The following KAZN variants were observed in gnomAD, a reference collection of about 807,000 sequenced individuals.
The protein encoded by KAZN is kazrin, periplakin interacting protein.
In KAZN, 40 loss-of-function variants were observed where a neutral mutation model predicts 87.4. The ratio of observed to expected loss-of-function variants is 0.46; its 90% CI spans 0.36 to 0.60. The LOEUF is 0.60. Among genes scored for constraint, KAZN ranks in the 20% least tolerant of loss-of-function variants. The probability of loss-of-function intolerance (pLI) is 0.00; values close to 1 mark genes in which losing one functional copy is unlikely to be tolerated. For missense variants in KAZN, 898 were observed against 1,073.9 expected (o/e 0.84, Z 2.29); for synonymous variants, 466 against 458.3 (o/e 1.02, Z -0.22).
chr1:14,808,911 C>T (rs989471870), intron 1 of KAZN, among the ~76,000 whole-genome samples: 1 of 152,170 alleles, frequency 6.6e-6, no homozygotes, highest in Admixed American at 6.5e-5. Flanking sequence ...CCCTCATGGT[C>T]ACAAAACGGC....
chr1:14,917,736 A>G (rs1188503089), intron 1 of KAZN, among the ~76,000 whole-genome samples: 2 of 151,936 alleles, frequency 1.3e-5, no homozygotes, highest in Non-Finnish European at 2.9e-5. Context: ...TGTGTCCCCA[A>G]CTCACTGGGT....
chr1:14,576,997 T>C (rs1675231072), intron 2 of KAZN, among the ~76,000 whole-genome samples: 1 of 152,214 alleles, frequency 6.6e-6, no homozygotes, highest in Admixed American at 6.5e-5. Flanking sequence ...AACTGGTAAA[T>C]AGGGCTTCCC....
intron 2 of KAZN, among the ~76,000 whole-genome samples, chr1:14,259,824 G>A (rs1220508849): frequency 2.0e-5 from 3 of 152,170 alleles, no homozygotes; most frequent in East Asian, 1.9e-4. Flanking sequence ...TTTACTTTGT[G>A]ACAGTGACTT....
intron 1 of KAZN, among the ~76,000 whole-genome samples, chr1:14,797,700 C>G (rs908685634): frequency 2.0e-5 from 3 of 152,060 alleles, no homozygotes; most frequent in African/African-American, 7.2e-5. Context: ...TCAGGAAGAT[C>G]CAGGTTCAAA....
chr1:14,569,780 C>T (rs1398437879), intron 2 of KAZN, among the ~76,000 whole-genome samples: 2 of 152,142 alleles, frequency 1.3e-5, no homozygotes, highest in Non-Finnish European at 2.9e-5. Flanking sequence ...GGGGTGGGAC[C>T]AGTTAGGAGC....
At chr1:14,661,776 C>G (rs1639184787) in intron 1 of KAZN, among the ~76,000 whole-genome samples, 1 of 152,100 alleles carries the variant, frequency 6.6e-6, no homozygotes, top group Non-Finnish European at 1.5e-5. Context: ...ATTAGCTGAG[C>G]ATGGTGGCAC....
intron 1 of KAZN, among the ~76,000 whole-genome samples, chr1:14,665,300 T>TA (rs1553206006): frequency 6.6e-6 from 1 of 151,988 alleles, no homozygotes; most frequent in African/African-American, 2.4e-5. Context: ...TCTTTTTTTT[T>TA]TTATTACTGC....
At position 14,465,529 on chromosome 1, in the gene KAZN, G is replaced by A. The variant is rs538389612; in HGVS notation, c.250-133454G>A. 2.0e-5 allele frequency among the ~76,000 whole-genome samples: 3 copies of A among 152,156 alleles called. No homozygotes were observed. In the East Asian group the frequency reaches 5.8e-4, roughly 29 times the overall value. On this transcript the variant is annotated intron_variant, in intron 2 of 16. Transcript: ENST00000636203. ...CCCTAGCACAGAACCAAGGTAGTAGGACTCAAATGGTAGCTTAGGGCTCCC... is the reference window on the plus strand; with the variant it reads ...CCCTAGCACAGAACCAAGGTAGTAGAACTCAAATGGTAGCTTAGGGCTCCC...
At chr1:14,188,620 A>T (rs1397241469) in intron 2 of KAZN, among the ~76,000 whole-genome samples, 1 of 151,880 alleles carries the variant, frequency 6.6e-6, no homozygotes, top group Non-Finnish European at 1.5e-5. Context: ...GAACAAGAAT[A>T]TGAAGAATAT....
chr1:14,853,127 AG>A (rs1443877997), intron 1 of KAZN, among the ~76,000 whole-genome samples: 1 of 152,166 alleles, frequency 6.6e-6, no homozygotes, highest in African/African-American at 2.4e-5. Context: ...CTTCTGGAGG[AG>A]CTGGGTATCA....
intron 2 of KAZN, among the ~76,000 whole-genome samples, chr1:15,030,269 G>A (rs1008459590): frequency 4.6e-5 from 7 of 152,050 alleles, no homozygotes; most frequent in African/African-American, 1.7e-4. Flanking sequence ...TGATTTTTAT[G>A]TATTACTTTA....
chr1:14,266,643 C>T (rs1191579111), intron 2 of KAZN, among the ~76,000 whole-genome samples: 2 of 152,144 alleles, frequency 1.3e-5, no homozygotes, highest in Non-Finnish European at 2.9e-5. Context: ...GTAGTCACAG[C>T]CAACTCAGCA....
intron 1 of KAZN, among the ~76,000 whole-genome samples, chr1:14,055,631 G>T (rs1322544565): frequency 6.6e-6 from 1 of 151,814 alleles, no homozygotes; most frequent in Non-Finnish European, 1.5e-5. Flanking sequence ...CATCAGACAG[G>T]GGTTCAGCTA....
At chr1:14,398,160 G>A (rs904123757) in intron 2 of KAZN, among the ~76,000 whole-genome samples, 9 of 152,172 alleles carry the variant, frequency 5.9e-5, no homozygotes, top group Non-Finnish European at 1.3e-4. Context: ...AAATGATTCT[G>A]GTTTTATGCT....
intron 2 of KAZN, among the ~76,000 whole-genome samples, chr1:14,589,348 G>A (rs61771948): frequency 6.6e-6 from 1 of 151,286 alleles, no homozygotes; most frequent in Non-Finnish European, 1.5e-5. Context: ...AAAAAAAAGG[G>A]AGGGGGGGCA....
chr1:14,202,690 T>C (rs777548392), intron 2 of KAZN, among the ~76,000 whole-genome samples: 2 of 152,122 alleles, frequency 1.3e-5, no homozygotes, highest in African/African-American at 4.8e-5. Flanking sequence ...CCAAAGGGCA[T>C]ATATTACAGG....
At chr1:14,031,169 C>T (rs776560812) in intron 1 of KAZN, among the ~76,000 whole-genome samples, 5 of 152,116 alleles carry the variant, frequency 3.3e-5, no homozygotes, top group Non-Finnish European at 7.4e-5. Context: ...AATTAACAGG[C>T]ATTTATTTCA....
upstream of KAZN, among the ~76,000 whole-genome samples, chr1:14,598,382 C>CA (rs1280984918): frequency 2.0e-5 from 3 of 152,162 alleles, no homozygotes; most frequent in Non-Finnish European, 4.4e-5. This position sits in a 1 kb window ranked among gnomAD's most constrained non-coding sequence, Gnocchi z 4.2. Context: ...TCCGAGCACC[C>CA]AGCACCTCCC....
chr1:14,260,047 A>G (rs4662137), intron 2 of KAZN, among the ~76,000 whole-genome samples: 72,282 of 151,954 alleles, frequency 0.48, 19,258 homozygotes, highest in African/African-American at 0.7. Context: ...CACCGTTTTC[A>G]ATTTCTACAC....
Sources: gnomAD v4.1 joint callset for allele counts (sites outside exome capture counted in the v4.1 genomes callset) on GRCh38, gnomAD v4.1.1 for gene constraint, Gnocchi (gnomAD v3.1) non-coding constraint, MANE v1.5 for transcripts, NCBI Gene and HGNC (gene_info 2026-07-23, HGNC 2026-07-21) for gene names.